DNM3: variants seen among roughly 807,000 people sequenced by gnomAD.
DNM3 encodes the protein dynamin 3.
Under a neutral mutation model 101.6 loss-of-function variants are expected in DNM3, and 47 were observed. That is an observed-to-expected ratio of 0.46 (90% CI 0.37 to 0.59). The LOEUF is 0.59. DNM3 is among the 20% of genes least tolerant of loss of function. The pLI is 0.00. For synonymous variants in DNM3, 385 were observed against 387.9 expected (o/e 0.99, Z 0.09); for missense variants, 849 against 1,085.7 (o/e 0.78, Z 3.06).
At position 172,411,478 on chromosome 1, in the gene DNM3, T is replaced by C; in HGVS notation, c.*3637T>C. 1 of 984,516 alleles carries C rather than the reference T, an allele frequency of 1.0e-6. No homozygotes were observed. Among genetic ancestry groups the C allele is most frequent in the Non-Finnish European group, 1.2e-6 (1 of 829,432 alleles). 61.0% of individuals were successfully genotyped at this position (984,516 alleles called of 1,614,324 possible). A position where few individuals can be genotyped will look rare whatever the true frequency, so the allele number is the denominator to read the frequency against. On this transcript the variant is annotated 3_prime_UTR_variant, in exon 21 of 21. Coordinates refer to ENST00000627582, the MANE Select transcript of DNM3 (RefSeq NM_015569.5). ...GAATTATAAATTATTTTTGGATTGC[T>C]GAGCTGAATCTTAAAAAGCCAAGTT...
chr1:171,847,405 T>C (rs1353243674), intron 1 of DNM3, among the ~76,000 whole-genome samples: 1 of 152,194 alleles, frequency 6.6e-6, no homozygotes, highest in African/African-American at 2.4e-5. Flanking sequence ...TACTGAAGTA[T>C]CTATGTCAAA....
intron 13 of DNM3, among the ~76,000 whole-genome samples, chr1:172,102,528 G>A (rs2054721846): frequency 6.6e-6 from 1 of 152,098 alleles, no homozygotes; most frequent in African/African-American, 2.4e-5. Flanking sequence ...CAGCCAAGTT[G>A]CATCTTAATG....
intron 4 of DNM3, among the ~76,000 whole-genome samples, chr1:172,018,837 A>C (rs1375687662): frequency 6.6e-6 from 1 of 152,056 alleles, no homozygotes; most frequent in Non-Finnish European, 1.5e-5. Flanking sequence ...TTTCTGACTT[A>C]ATATTATTTT....
intron 15 of DNM3, among the ~76,000 whole-genome samples, chr1:172,271,648 A>T (rs2063091452): frequency 6.6e-6 from 1 of 152,148 alleles, no homozygotes; most frequent in Non-Finnish European, 1.5e-5. Flanking sequence ...CCAAAACTCG[A>T]CAAGTAATTG....
intron 4 of DNM3, among the ~76,000 whole-genome samples, chr1:172,029,940 C>T (rs920308726): frequency 6.6e-6 from 1 of 152,056 alleles, no homozygotes; most frequent in Non-Finnish European, 1.5e-5. Context: ...TTCCATGCTC[C>T]TGGATAGGAA....
chr1:172,084,049 C>T (rs1051640908), intron 12 of DNM3, among the ~76,000 whole-genome samples: 1 of 152,124 alleles, frequency 6.6e-6, no homozygotes, highest in Non-Finnish European at 1.5e-5. Flanking sequence ...ACACTTAAAC[C>T]TTCTTTAAAG....
At chr1:171,985,202 G>A (rs1419714674) in intron 2 of DNM3, among the ~76,000 whole-genome samples, 2 of 152,090 alleles carry the variant, frequency 1.3e-5, no homozygotes, top group Non-Finnish European at 2.9e-5. Flanking sequence ...CTTGAAGGGT[G>A]CATTTTCCAT....
chr1:171,952,846 T>G (rs1448330486), intron 2 of DNM3, among the ~76,000 whole-genome samples: 1 of 152,200 alleles, frequency 6.6e-6, no homozygotes, highest in Non-Finnish European at 1.5e-5. Flanking sequence ...AGTACCTCTA[T>G]GTTTAAATAA....
intron 11 of DNM3, among the ~76,000 whole-genome samples, chr1:172,076,418 C>G (rs943305873): frequency 6.6e-6 from 1 of 152,128 alleles, no homozygotes; most frequent in South Asian, 2.1e-4. Flanking sequence ...ATGCTTCCAG[C>G]TTTTGCCCAT....
intron 14 of DNM3, among the ~76,000 whole-genome samples, chr1:172,234,471 C>T (rs1289421087): frequency 6.6e-6 from 1 of 152,072 alleles, no homozygotes; most frequent in African/African-American, 2.4e-5. Context: ...AGGTAATTTA[C>T]AGATTCAATG....
chr1:172,363,293 G>A (rs1336196031), intron 17 of DNM3, among the ~76,000 whole-genome samples: 1 of 151,702 alleles, frequency 6.6e-6, no homozygotes, highest in Non-Finnish European at 1.5e-5. Flanking sequence ...GATTCCAGTT[G>A]CCACCAGATA....
At chr1:172,008,003 C>T (rs573193792) in intron 4 of DNM3, among the ~76,000 whole-genome samples, 1 of 152,102 alleles carries the variant, frequency 6.6e-6, no homozygotes, top group South Asian at 2.1e-4. Context: ...TGTACGTCTT[C>T]TTTTGAGAAA....
At position 172,048,666 on chromosome 1, in the gene DNM3, T is replaced by C; in HGVS notation, c.1251T>C (p.Ile417=). 5 of 1,613,658 alleles carry C rather than the reference T, an allele frequency of 3.1e-6. No individual in the cohort carries two copies. Among genetic ancestry groups the C allele is most frequent in the Non-Finnish European group, 4.2e-6 (5 of 1,179,696 alleles). ...MAFEAIVKKQ[I]VKLKGPSLKS... ...TTGAAGCGATAGTCAAGAAACAGAT[T>C]GTAAAGTTGAAAGGGCCTTCCTTGA... The change falls in exon 10 of 21, where the codon ATT becomes ATC. Residue 417 remains isoleucine (I), a synonymous_variant. Transcript: ENST00000627582.
rs1250506167 is a variant in DNM3, at chr1:172,117,139, A to C, written c.1546-14036A>C. Among the ~76,000 whole-genome samples, 3 of 151,392 alleles carry C rather than the reference A, an allele frequency of 2.0e-5. No homozygotes were observed. In the East Asian group the frequency reaches 5.8e-4, roughly 29 times the overall value. Reference sequence around the variant, plus strand: ...AGAATTGCTTGAACCTAGGAGGCAGAGGTTGTGGTGAGCTGAGATCATGCC... The same window carrying C: ...AGAATTGCTTGAACCTAGGAGGCAGCGGTTGTGGTGAGCTGAGATCATGCC... On this transcript the variant is annotated intron_variant, in intron 13 of 20. Transcript: ENST00000627582.
intron 14 of DNM3, among the ~76,000 whole-genome samples, chr1:172,153,630 C>T (rs1404637251): frequency 1.3e-5 from 2 of 151,978 alleles, no homozygotes; most frequent in African/African-American, 2.4e-5. Context: ...AGCCCCTATT[C>T]GTCCTGTTTC....
chr1:172,317,509 AAAAG>A (rs2065444236), intron 16 of DNM3, among the ~76,000 whole-genome samples: 1 of 152,194 alleles, frequency 6.6e-6, no homozygotes, highest in Non-Finnish European at 1.5e-5. Flanking sequence ...AATAAAGAAA[AAAAG>A]AGAGAAGAAT....
intron 11 of DNM3, among the ~76,000 whole-genome samples, chr1:172,080,840 C>A (rs2053083488): frequency 6.6e-6 from 1 of 152,144 alleles, no homozygotes; most frequent in Non-Finnish European, 1.5e-5. Context: ...CACCATTCCT[C>A]ACAGCACAGT....
At chr1:172,047,891 C>A (rs2125859274) in intron 9 of DNM3, among the ~76,000 whole-genome samples, 1 of 152,192 alleles carries the variant, frequency 6.6e-6, no homozygotes, top group East Asian at 1.9e-4. Context: ...TCAGTCATGG[C>A]CAAGATTCAA....
In DNM3 at chr1:172,095,448, T is replaced by C. The variant is rs557028959; in HGVS notation, c.1545+2573T>C. Among the ~76,000 whole-genome samples the C allele has an allele frequency of 2.0e-5, 3 of 152,342 alleles. No individual in the cohort carries two copies. The South Asian group carries it at 6.2e-4, about 32-fold the overall frequency. On this transcript the variant is annotated intron_variant, in intron 13 of 20. Coordinates refer to ENST00000627582, the MANE Select transcript of DNM3 (RefSeq NM_015569.5). Reference sequence around the variant, plus strand: ...CCAATAATGTATACATGATACAATATATTTTAAAGGATCTTCAGTAGTTCT... The same window carrying C: ...CCAATAATGTATACATGATACAATACATTTTAAAGGATCTTCAGTAGTTCT...
Sources: gnomAD v4.1 joint callset for allele counts (sites outside exome capture counted in the v4.1 genomes callset) on GRCh38, gnomAD v4.1.1 for gene constraint, MANE v1.5 for transcripts, NCBI Gene and HGNC (gene_info 2026-07-23, HGNC 2026-07-21) for gene names.